Variants in TRMT11 observed in about 807,000 individuals in gnomAD.
TRMT11 encodes tRNA methyltransferase 11.
Under a neutral mutation model 62.8 loss-of-function variants are expected in TRMT11, and 53 were observed. The ratio of observed to expected loss-of-function variants is 0.84; its 90% CI spans 0.68 to 1.06. The LOEUF (loss-of-function observed/expected upper bound fraction) is 1.06. TRMT11 is among the 50% of genes least tolerant of loss of function. The probability of loss-of-function intolerance (pLI) is 0.00; values close to 1 mark genes in which losing one functional copy is unlikely to be tolerated. For synonymous variants in TRMT11, 188 were observed against 190.3 expected (o/e 0.99, Z 0.10); for missense variants, 556 against 553.4 (o/e 1.00, Z -0.05).
At chr6:126,055,573 G>T (rs1776348821) in intron 17 of TRMT11, among the ~76,000 whole-genome samples, 1 of 152,168 alleles carries the variant, frequency 6.6e-6, no homozygotes, top group Non-Finnish European at 1.5e-5. Context: ...TAAAAAACAA[G>T]ACTATACCAC....
the TRMT11 span, among the ~76,000 whole-genome samples, chr6:126,254,104 T>C: frequency 6.6e-6 from 1 of 152,202 alleles, no homozygotes; most frequent in Non-Finnish European, 1.5e-5. Flanking sequence ...TCATTACCAC[T>C]GATATCAGGG....
chr6:126,209,451 T>C, the TRMT11 span, among the ~76,000 whole-genome samples: 1 of 151,976 alleles, frequency 6.6e-6, no homozygotes, highest in Non-Finnish European at 1.5e-5. Context: ...CCGGGCGCGG[T>C]GGCTCACTCC....
chr6:126,056,869 T>TAAC (rs1397015471), intron 17 of TRMT11, among the ~76,000 whole-genome samples: 3 of 152,184 alleles, frequency 2.0e-5, no homozygotes, highest in African/African-American at 7.2e-5. Flanking sequence ...AGAACGGTGA[T>TAAC]AACGTGGCTT....
intron 17 of TRMT11, among the ~76,000 whole-genome samples, chr6:126,088,130 T>C (rs1434333866): frequency 6.6e-6 from 1 of 151,902 alleles, no homozygotes; most frequent in African/African-American, 2.4e-5. Context: ...ATAGTATATA[T>C]ACTCTCTCTA....
chr6:126,166,217 T>C (rs1038790937), intron 21 of TRMT11, among the ~76,000 whole-genome samples: 5 of 152,128 alleles, frequency 3.3e-5, no homozygotes, highest in African/African-American at 1.2e-4. Context: ...CTTCCTTCCA[T>C]TGGGTTTTTG....
At chr6:126,103,960 C>T (rs1299013631) in intron 17 of TRMT11, among the ~76,000 whole-genome samples, 1 of 152,050 alleles carries the variant, frequency 6.6e-6, no homozygotes, top group Non-Finnish European at 1.5e-5. Context: ...CATGGGGGGA[C>T]CACCTTGGAG....
At chr6:126,249,921 A>T in the TRMT11 span, among the ~76,000 whole-genome samples, 9 of 152,100 alleles carry the variant, frequency 5.9e-5, no homozygotes, top group Non-Finnish European at 1.2e-4. Context: ...CTCAGTTTGG[A>T]TAGGAAATGT....
chr6:126,150,585 A>G (rs943939395), intron 21 of TRMT11, among the ~76,000 whole-genome samples: 2 of 152,194 alleles, frequency 1.3e-5, no homozygotes, highest in African/African-American at 4.8e-5. Flanking sequence ...ATACGAGGGC[A>G]TAGTGGTTTC....
At chr6:126,204,767 A>C (rs189651644), downstream of TRMT11, among the ~76,000 whole-genome samples, 1 of 152,344 alleles carries the variant, frequency 6.6e-6, no homozygotes, top group Non-Finnish European at 1.5e-5. Flanking sequence ...AGTACTATGT[A>C]TTAACTAATG....
chr6:126,107,117 G>A (rs544604010), intron 17 of TRMT11, among the ~76,000 whole-genome samples: 9 of 152,234 alleles, frequency 5.9e-5, no homozygotes, highest in African/African-American at 9.6e-5. Context: ...GATAGAGAGC[G>A]TTGCTTGGAT....
At chr6:126,116,625 A>T (rs1056777696) in intron 21 of TRMT11, among the ~76,000 whole-genome samples, 8 of 152,078 alleles carry the variant, frequency 5.3e-5, no homozygotes, top group Non-Finnish European at 7.4e-5. Flanking sequence ...CCTGTCATAA[A>T]TCCACGTGGA....
At chr6:126,032,729 A>C (rs1774438757) in intron 12 of TRMT11, among the ~76,000 whole-genome samples, 1 of 152,090 alleles carries the variant, frequency 6.6e-6, no homozygotes, top group African/African-American at 2.4e-5. Context: ...CTCTCCCACC[A>C]CTGTACGTAC....
chr6:126,235,756 C>A, the TRMT11 span, among the ~76,000 whole-genome samples: 1 of 152,056 alleles, frequency 6.6e-6, no homozygotes, highest in African/African-American at 2.4e-5. Context: ...TGGATGCTGG[C>A]TTAATACCTA....
chr6:126,181,988 G>T (rs1432543427), intron 1 of TRMT11, among the ~76,000 whole-genome samples: 1 of 152,178 alleles, frequency 6.6e-6, no homozygotes, highest in African/African-American at 2.4e-5. Context: ...TGAAAAGACA[G>T]ATTCAAAAGA....
chr6:126,183,065 C>G (rs1320067649), intron 1 of TRMT11, among the ~76,000 whole-genome samples: 1 of 152,130 alleles, frequency 6.6e-6, no homozygotes, highest in Non-Finnish European at 1.5e-5. Flanking sequence ...ACCACCCACC[C>G]ACTGCAGGCT....
At chr6:125,991,285 T>C (rs1033014190) in intron 1 of TRMT11, among the ~76,000 whole-genome samples, 5 of 151,702 alleles carry the variant, frequency 3.3e-5, no homozygotes, top group African/African-American at 4.9e-5. Flanking sequence ...CTGTTCTCTC[T>C]CTGTTTTCCA....
chr6:126,047,181 G>A (rs1368658830), intron 16 of TRMT11, among the ~76,000 whole-genome samples: 1 of 151,814 alleles, frequency 6.6e-6, no homozygotes, highest in Non-Finnish European at 1.5e-5. Flanking sequence ...CCCTGACAAA[G>A]GCCCCACCCT....
chr6:126,126,895 C>T lies in TRMT11; in HGVS notation c.*1823+11040C>T, dbSNP rs189858080. ...TTGATTTGAACACTGAAGTGAACTT[C>T]CCACCCATGAAAATACATGAATAAG... is the stretch of plus-strand genomic sequence containing the variant. On this transcript the variant is annotated intron_variant and NMD_transcript_variant, in intron 21 of 22. Transcript: ENST00000648977. Among the ~76,000 whole-genome samples, 36 of 152,170 alleles carry T rather than the reference C, an allele frequency of 2.4e-4. 1 individual carries two copies. The East Asian group carries it at 6.4e-3, about 27-fold the overall frequency.
chr6:126,260,137 C>G, the TRMT11 span, among the ~76,000 whole-genome samples: 24 of 152,254 alleles, frequency 1.6e-4, no homozygotes, highest in African/African-American at 4.6e-4. Context: ...AGATTCTTTA[C>G]TCCCACTTTT....
Sources: allele counts gnomAD v4.1 joint callset (sites outside exome capture counted in the v4.1 genomes callset), GRCh38; gene constraint gnomAD v4.1.1; transcripts MANE v1.5; gene names NCBI Gene and HGNC (gene_info 2026-07-23, HGNC 2026-07-21).